The following WAPL variants were observed in gnomAD, a reference collection of about 807,000 sequenced individuals.
WAPL encodes WAPL cohesin release factor.
In WAPL, 5 loss-of-function variants were observed where a neutral mutation model predicts 121.0. The observed-to-expected ratio is 0.04, with a 90% CI of 0.02 to 0.09. The LOEUF is 0.09. Among genes scored for constraint, WAPL ranks in the 10% least tolerant of loss-of-function variants. The pLI is 1.00. For missense variants in WAPL, 999 were observed against 1,410.8 expected, an observed-to-expected ratio of 0.71 and a Z score of 4.68; for synonymous variants, 480 against 481.5, an observed-to-expected ratio of 1.00 and a Z score of 0.04.
At chr10:86,451,336 T>A (rs1234081091) in intron 15 of WAPL, among the ~76,000 whole-genome samples, 1 of 152,048 alleles carries the variant, frequency 6.6e-6, no homozygotes, top group Non-Finnish European at 1.5e-5. Context: ...CAAAATAAAG[T>A]AAGAATGCAT....
chr10:86,461,967 C>T (rs1156826461), intron 9 of WAPL, among the ~76,000 whole-genome samples: 2 of 152,146 alleles, frequency 1.3e-5, no homozygotes, highest in East Asian at 1.9e-4. Flanking sequence ...GGGCATACTG[C>T]GGGCTTAGCA....
intron 4 of WAPL, among the ~76,000 whole-genome samples, chr10:86,494,621 G>A (rs952928442): frequency 6.6e-6 from 1 of 152,160 alleles, no homozygotes; most frequent in Non-Finnish European, 1.5e-5. Flanking sequence ...TTTCGATACT[G>A]TATAATGAAA....
rs112484285 is a variant in WAPL, at chr10:86,468,150, G to A, written c.2143-644C>T. Among the ~76,000 whole-genome samples, 243 of 152,152 alleles carry A rather than the reference G, an allele frequency of 1.6e-3. 1 individual carries two copies. The highest frequency in any genetic ancestry group is 5.6e-3 in the African/African-American group (231 of 41,486). On this transcript the variant is annotated intron_variant, in intron 8 of 18. Transcript: ENST00000298767. ...TAAGAGTTTATAAAACATTTTTGCA[G>A]ATATGTGTGTGTGAGTATATATATA... is the stretch of plus-strand genomic sequence containing the variant.
chr10:86,471,228 T>C lies in WAPL; in HGVS notation c.2031-125A>G, dbSNP rs185279523. On this transcript the variant is annotated intron_variant, in intron 7 of 18. Transcript: ENST00000298767. ...GGGTCAAAGCATTGCCCATACATGA[T>C]CACAATATAAAAACCATAGGCAAAA... 15 of 615,814 alleles carry C rather than the reference T, an allele frequency of 2.4e-5. No individual in the cohort carries two copies. The African/African-American group carries it at 2.8e-4, about 11-fold the overall frequency. The allele number at this position is 615,814 out of a possible 1,614,324, so 38.1% of individuals were successfully genotyped here.
chr10:86,519,308 TAAC>T (rs1280087470), intron 1 of WAPL, among the ~76,000 whole-genome samples: 1 of 152,244 alleles, frequency 6.6e-6, no homozygotes, highest in Non-Finnish European at 1.5e-5. Flanking sequence ...ACATCGAATA[TAAC>T]TTTAAAAAGT....
intron 4 of WAPL, among the ~76,000 whole-genome samples, chr10:86,496,433 C>T (rs1346011122): frequency 6.6e-6 from 1 of 152,024 alleles, no homozygotes; most frequent in Non-Finnish European, 1.5e-5. Context: ...AAATCCACTC[C>T]TAGGTATATA....
intron 4 of WAPL, among the ~76,000 whole-genome samples, chr10:86,494,855 TAGA>T (rs1460568828): frequency 2.0e-5 from 3 of 152,184 alleles, no homozygotes; most frequent in Admixed American, 2.0e-4. Context: ...GGTAGTACTG[TAGA>T]AGAATATCCA....
At chr10:86,461,382 GTT>G in intron 9 of WAPL, 95 bp from the exon 10 acceptor site, 3 of 851,792 alleles carry the variant, frequency 3.5e-6, no homozygotes, top group South Asian at 1.7e-5. Flanking sequence ...GCTACATGTA[GTT>G]TAACACCACT....
chr10:86,500,234 C>A lies in WAPL; in HGVS notation c.1009G>T (p.Ala337Ser). Residue 337 changes from alanine to serine, a missense_variant, in exon 3 of 19, where the codon GCA becomes TCA. Ala to Ser is a moderately conservative substitution (Grantham distance 99). Coordinates refer to ENST00000298767, the MANE Select transcript of WAPL (RefSeq NM_015045.5). ...CCACAACTTACACCCCCTTTCTTTGCCTGATTCAGGCCATCTTTACTCGAT... is the reference window on the plus strand; with the variant it reads ...CCACAACTTACACCCCCTTTCTTTGACTGATTCAGGCCATCTTTACTCGAT... Reference protein sequence around the residue: ...SESSKDGLNQAKKGGVSCGTS... With the variant: ...SESSKDGLNQSKKGGVSCGTS... 6.2e-7 allele frequency: 1 copy of A among 1,614,186 alleles called. No homozygotes were observed.
In WAPL at chr10:86,500,475, A is replaced by G. The variant is rs1395057794; in HGVS notation, c.768T>C (p.Asp256=). 6.2e-7 allele frequency: 1 copy of G among 1,614,200 alleles called. No homozygotes were observed. Among genetic ancestry groups the G allele is most frequent in the Admixed American group, 1.7e-5 (1 of 60,028 alleles). Residue 256 remains aspartate (D), a synonymous_variant, in exon 3 of 19, where the codon GAT becomes GAC. Transcript: ENST00000298767. The stretch of plus-strand genomic sequence containing the variant: ...CCTTCATCTCCAAAAGGGGATCACT[A>G]TCCAAACTTAAAATACAGTCTTCTG... ...IRSEDCILSL[D]SDPLLEMKDD...
chr10:86,484,290 G>A (rs1841877128), intron 4 of WAPL, among the ~76,000 whole-genome samples: 2 of 152,178 alleles, frequency 1.3e-5, no homozygotes, highest in South Asian at 4.1e-4. Context: ...GAGCCCAGGA[G>A]TTCAAGACCA....
At chr10:86,490,850 G>T (rs1160851478) in intron 4 of WAPL, among the ~76,000 whole-genome samples, 2 of 151,948 alleles carry the variant, frequency 1.3e-5, no homozygotes, top group Non-Finnish European at 2.9e-5. Context: ...ATCACCTGAG[G>T]TCGGGAGTTC....
Position 86,453,689 on chromosome 10 carries a change from T to C in WAPL, c.2800A>G (p.Ile934Val), listed in dbSNP as rs371694095. ...TTAGTTAAATTAAGCAACACCCCGATGATGGCCCTCATGCAGTCCTCCACT... is the reference window on the plus strand; with the variant it reads ...TTAGTTAAATTAAGCAACACCCCGACGATGGCCCTCATGCAGTCCTCCACT... ...KAVEDCMRAI[I>V]GVLLNLTNDN... The change falls in exon 13 of 19, where the codon ATC (isoleucine) becomes GTC (valine). Residue 934 changes from isoleucine (I) to valine (V), a missense_variant. Ile to Val is a conservative substitution (Grantham distance 29, BLOSUM62 3). Coordinates refer to ENST00000298767, the MANE Select transcript of WAPL (RefSeq NM_015045.5). 1.2e-6 allele frequency: 2 copies of C among 1,608,378 alleles called. No individual in the cohort carries two copies. The highest frequency in any genetic ancestry group is 1.7e-6 in the Non-Finnish European group (2 of 1,178,796).
chr10:86,445,318 A>T (rs1849580674), intron 16 of WAPL, among the ~76,000 whole-genome samples: 1 of 152,058 alleles, frequency 6.6e-6, no homozygotes, highest in African/African-American at 2.4e-5. Flanking sequence ...TTCTTCCTCA[A>T]ATATTTTTGA....
chr10:86,463,871 G>T (rs919492728), intron 9 of WAPL, among the ~76,000 whole-genome samples: 7 of 152,152 alleles, frequency 4.6e-5, no homozygotes, highest in South Asian at 2.1e-4. Context: ...TGCCTTCAGT[G>T]CTCAATACAG....
At chr10:86,492,807 A>G (rs1000871910) in intron 4 of WAPL, among the ~76,000 whole-genome samples, 2 of 152,194 alleles carry the variant, frequency 1.3e-5, no homozygotes, top group African/African-American at 2.4e-5. Context: ...CTGTAATCCC[A>G]GCACTTTGGG....
chr10:86,450,623 A>G (rs1262802912), intron 15 of WAPL, among the ~76,000 whole-genome samples: 1 of 152,226 alleles, frequency 6.6e-6, no homozygotes, highest in Non-Finnish European at 1.5e-5. Context: ...TTTTTGCATT[A>G]AATGAAATCT....
chr10:86,467,057 G>T, intron 9 of WAPL: 2 of 483,458 alleles, frequency 4.1e-6, no homozygotes, highest in Non-Finnish European at 7.4e-6. Flanking sequence ...AACAGAAAAT[G>T]TGCAACTATT....
intron 11 of WAPL, 33 bp from the exon 12 acceptor site, chr10:86,459,098 A>C (rs775960554): frequency 2.6e-6 from 4 of 1,559,476 alleles, no homozygotes; most frequent in African/African-American, 2.7e-5. Flanking sequence ...AATTGTGGCA[A>C]TCCAAAACTT....
Sources: gnomAD v4.1 joint callset for allele counts (sites outside exome capture counted in the v4.1 genomes callset) on GRCh38, gnomAD v4.1.1 for gene constraint, MANE v1.5 for transcripts, NCBI Gene and HGNC (gene_info 2026-07-23, HGNC 2026-07-21) for gene names.